CMSS1: variants seen among roughly 807,000 people sequenced by gnomAD.
CMSS1 encodes the protein cms1 ribosomal small subunit homolog.
CMSS1 carries 33 observed loss-of-function variants against 43.5 expected under a neutral mutation model. The ratio of observed to expected loss-of-function variants is 0.76; its 90% CI spans 0.57 to 1.01. CMSS1 has a LOEUF of 1.01. Among genes scored for constraint, CMSS1 ranks in the 50% least tolerant of loss-of-function variants. The pLI is 0.00. For synonymous variants in CMSS1, 115 were observed against 117.2 expected (o/e 0.98, Z 0.12); for missense variants, 313 against 326.4 (o/e 0.96, Z 0.32).
chr3:100,163,324 G>A lies in CMSS1; in HGVS notation c.355+892G>A, dbSNP rs534348078. 2.6e-5 allele frequency among the ~76,000 whole-genome samples: 4 copies of A among 152,228 alleles called. No individual in the cohort carries two copies. In the East Asian group the frequency reaches 7.7e-4, roughly 29 times the overall value. ...TTGTTGCTCTTATTATGGATTTCTA[G>A]TCATGGTTTTTAGAATAGTATTTTA... On this transcript the variant is annotated intron_variant, in intron 4 of 9. Transcript: ENST00000421999.
chr3:99,866,322 C>G (rs1944515316), intron 1 of CMSS1, among the ~76,000 whole-genome samples: 1 of 152,088 alleles, frequency 6.6e-6, no homozygotes. Flanking sequence ...AGTCTGGCTG[C>G]CTACACAGAG....
chr3:100,070,146 T>C (rs909922024), intron 1 of CMSS1, among the ~76,000 whole-genome samples: 2 of 152,218 alleles, frequency 1.3e-5, no homozygotes, highest in African/African-American at 4.8e-5. Context: ...TGAAGTGCTC[T>C]GTGCTCATTC....
intron 1 of CMSS1, among the ~76,000 whole-genome samples, chr3:100,119,396 T>C (rs2066601538): frequency 6.6e-6 from 1 of 152,236 alleles, no homozygotes; most frequent in Admixed American, 6.5e-5. Flanking sequence ...AGATGGATCA[T>C]GTAACCCTCA....
Position 99,888,038 on chromosome 3 carries a change from C to A in CMSS1, c.64+69995C>A, listed in dbSNP as rs1407653197. ...GGATTACAGGCATGAGCCACTGTGC[C>A]TGGCCTCCTGTTGTATATTAATACT... is the stretch of plus-strand genomic sequence containing the variant. On this transcript the variant is annotated intron_variant, in intron 1 of 9. Coordinates refer to ENST00000421999, the MANE Select transcript of CMSS1 (RefSeq NM_032359.4). Among the ~76,000 whole-genome samples, 6 of 152,316 alleles carry A rather than the reference C, an allele frequency of 3.9e-5. No individual in the cohort carries two copies. In the East Asian group the frequency reaches 9.6e-4, roughly 24 times the overall value.
intron 1 of CMSS1, among the ~76,000 whole-genome samples, chr3:100,101,434 C>G (rs1431352483): frequency 1.3e-5 from 2 of 151,974 alleles, no homozygotes. Context: ...TAAAGTAGAT[C>G]GGGTTAGAAG....
At chr3:100,115,131 T>C (rs1053622792) in intron 1 of CMSS1, 1 of 645,980 alleles carries the variant, frequency 1.5e-6, no homozygotes, top group Non-Finnish European at 2.8e-6. Context: ...GATTGAGGGG[T>C]TGGATAGAAG....
chr3:99,904,237 T>C (rs1251417002), intron 1 of CMSS1, among the ~76,000 whole-genome samples: 2 of 152,240 alleles, frequency 1.3e-5, no homozygotes, highest in Non-Finnish European at 2.9e-5. Context: ...GCCAGATTGT[T>C]TCACCATTAG....
chr3:99,934,916 A>C (rs1443324233), intron 1 of CMSS1, among the ~76,000 whole-genome samples: 2 of 152,240 alleles, frequency 1.3e-5, no homozygotes, highest in African/African-American at 2.4e-5. Flanking sequence ...TAGTAGCATC[A>C]ACATTCTCAC....
intron 1 of CMSS1, among the ~76,000 whole-genome samples, chr3:99,905,918 C>T (rs930840642): frequency 6.6e-6 from 1 of 152,194 alleles, no homozygotes; most frequent in Non-Finnish European, 1.5e-5. Context: ...TCTGGCCAGG[C>T]GCAGTGGCTC....
At chr3:100,148,427 A>G (rs973240482) in intron 2 of CMSS1, among the ~76,000 whole-genome samples, 4 of 152,168 alleles carry the variant, frequency 2.6e-5, no homozygotes, top group African/African-American at 9.7e-5. Context: ...CAAAGTTACT[A>G]TATTTTTCAT....
At chr3:99,840,004 C>T (rs1263283008) in intron 1 of CMSS1, among the ~76,000 whole-genome samples, 5 of 152,056 alleles carry the variant, frequency 3.3e-5, no homozygotes, top group African/African-American at 1.2e-4. Flanking sequence ...GAATATTTAG[C>T]CATGTCTGGA....
rs116062734 is a variant in CMSS1, at chr3:99,916,738, G to A, written c.64+98695G>A. Among the ~76,000 whole-genome samples the A allele has an allele frequency of 3.3e-3, 503 of 152,210 alleles. 1 individual carries two copies. The highest frequency in any genetic ancestry group is 7.3e-3 in the Admixed American group (111 of 15,296). On this transcript the variant is annotated intron_variant, in intron 1 of 9. Coordinates refer to ENST00000421999, the MANE Select transcript of CMSS1 (RefSeq NM_032359.4). The stretch of plus-strand genomic sequence containing the variant: ...CCATGCTTCATGGTCCATGCTCCAC[G>A]TTTGTTGTTCTAACTCGAGTCTATG...
chr3:99,943,053 C>T (rs1286349611), intron 1 of CMSS1, among the ~76,000 whole-genome samples: 1 of 152,156 alleles, frequency 6.6e-6, no homozygotes, highest in Non-Finnish European at 1.5e-5. Context: ...CTTAGAACAA[C>T]TTTGGACCTC....
At chr3:99,862,568 C>G (rs374848003) in intron 1 of CMSS1, among the ~76,000 whole-genome samples, 11 of 152,192 alleles carry the variant, frequency 7.2e-5, no homozygotes, top group African/African-American at 2.7e-4. Context: ...CATCCCTGAT[C>G]TCTACCTACT....
chr3:100,036,535 A>C (rs2065111005), intron 1 of CMSS1, among the ~76,000 whole-genome samples: 1 of 152,218 alleles, frequency 6.6e-6, no homozygotes, highest in African/African-American at 2.4e-5. Context: ...TAGATACTAC[A>C]TGTGTAAGAA....
intron 2 of CMSS1, among the ~76,000 whole-genome samples, chr3:100,155,880 T>A (rs1283481176): frequency 6.6e-6 from 1 of 152,062 alleles, no homozygotes; most frequent in Non-Finnish European, 1.5e-5. Context: ...TTCTTTTTTC[T>A]GATCCTTTGT....
intron 1 of CMSS1, among the ~76,000 whole-genome samples, chr3:100,129,774 T>C (rs1321496105): frequency 2.6e-5 from 4 of 152,150 alleles, no homozygotes; most frequent in Admixed American, 2.6e-4. Context: ...GAGGTTTTGG[T>C]TTTCTTATTT....
At chr3:100,156,948 G>T (rs2066981158) in intron 2 of CMSS1, among the ~76,000 whole-genome samples, 1 of 152,076 alleles carries the variant, frequency 6.6e-6, no homozygotes, top group Non-Finnish European at 1.5e-5. Context: ...TTGAGACAGG[G>T]TCTCACTATG....
chr3:99,944,951 C>T (rs575009832), intron 1 of CMSS1, among the ~76,000 whole-genome samples: 2 of 152,320 alleles, frequency 1.3e-5, no homozygotes, highest in East Asian at 3.9e-4. Flanking sequence ...ATTCAAGCTT[C>T]TTCACTACTG....
Sources: gnomAD v4.1 joint callset for allele counts (sites outside exome capture counted in the v4.1 genomes callset) on GRCh38, gnomAD v4.1.1 for gene constraint, MANE v1.5 for transcripts, NCBI Gene and HGNC (gene_info 2026-07-23, HGNC 2026-07-21) for gene names.